SETD3: variants seen among roughly 807,000 people sequenced by gnomAD.
SETD3 encodes the protein SET domain containing 3, actin N3(tau)-histidine methyltransferase, also known as actin-histidine N-methyltransferase.
Under a neutral mutation model 63.0 loss-of-function variants are expected in SETD3, and 19 were observed. That is an observed-to-expected ratio of 0.30 (90% CI 0.21 to 0.44). The LOEUF (loss-of-function observed/expected upper bound fraction) is 0.44. Among genes scored for constraint, SETD3 ranks in the 20% least tolerant of loss-of-function variants. The pLI is 1.00. For missense variants in SETD3, 587 were observed against 728.5 expected, an observed-to-expected ratio of 0.81 and a Z score of 2.24; for synonymous variants, 286 against 264.1, an observed-to-expected ratio of 1.08 and a Z score of -0.80.
chr14:99,443,954 G>A (rs1319595692), intron 6 of SETD3, among the ~76,000 whole-genome samples: 2 of 152,196 alleles, frequency 1.3e-5, no homozygotes, highest in African/African-American at 4.8e-5. Context: ...CTGCATCAGT[G>A]CAGGACTCAG....
At chr14:99,482,053 G>A (rs1056249209), upstream of SETD3, among the ~76,000 whole-genome samples, 90 of 152,300 alleles carry the variant, frequency 5.9e-4, no homozygotes, top group Non-Finnish European at 1.2e-3. Context: ...TTTGTTATGA[G>A]AGAAATTGTT....
chr14:99,418,515 A>T (rs1367623469), intron 6 of SETD3, among the ~76,000 whole-genome samples: 2 of 152,272 alleles, frequency 1.3e-5, no homozygotes, highest in African/African-American at 4.8e-5. Context: ...AAGTTTCAGA[A>T]ATGTGACCCT....
At position 99,405,216 on chromosome 14, in the gene SETD3, G is replaced by A. The variant is rs146570207; in HGVS notation, c.1080C>T (p.Ala360=). 87 of 1,612,262 alleles carry A rather than the reference G, an allele frequency of 5.4e-5. No homozygotes were observed. In the South Asian group the frequency reaches 6.6e-4, roughly 12 times the overall value. The change falls in exon 10 of 13, where the codon GCC becomes GCT. Residue 360 remains alanine (A), a synonymous_variant. Coordinates refer to ENST00000331768, the MANE Select transcript of SETD3 (RefSeq NM_032233.3). The part of the protein sequence containing the change: ...YAMKAEVLAR[A]GIPTSSVFAL... ...GTTTTTCTACGTACGTGGGGATGCC[G>A]GCACGAGCCAAGACCTCGGCCTTCA...
chr14:99,457,737 C>G (rs1051817075), intron 6 of SETD3, among the ~76,000 whole-genome samples: 7 of 152,142 alleles, frequency 4.6e-5, no homozygotes, highest in Non-Finnish European at 8.8e-5. Context: ...GCCACACCAC[C>G]AAAATACAGA....
At chr14:99,441,124 C>T (rs1893785845) in intron 6 of SETD3, among the ~76,000 whole-genome samples, 2 of 152,250 alleles carry the variant, frequency 1.3e-5, no homozygotes, top group Admixed American at 6.5e-5. Context: ...ACAAAAGTGT[C>T]TAACAGGGAC....
chr14:99,430,005 C>T (rs1893084530), intron 6 of SETD3, among the ~76,000 whole-genome samples: 1 of 152,130 alleles, frequency 6.6e-6, no homozygotes, highest in African/African-American at 2.4e-5. Context: ...AGCCATTAAA[C>T]GAGAGGGGAG....
intron 6 of SETD3, among the ~76,000 whole-genome samples, chr14:99,451,496 TTC>T (rs1421230650): frequency 2.6e-5 from 4 of 152,072 alleles, no homozygotes; most frequent in Non-Finnish European, 4.4e-5. Flanking sequence ...TGTATCTTTT[TTC>T]TTTTTTTCTT....
At chr14:99,433,611 G>A (rs1404121373) in intron 6 of SETD3, among the ~76,000 whole-genome samples, 4 of 151,898 alleles carry the variant, frequency 2.6e-5, no homozygotes, top group Non-Finnish European at 5.9e-5. Context: ...CTGATTTTTT[G>A]TATTTTCAGT....
chr14:99,447,750 A>G (rs999249972), intron 6 of SETD3, among the ~76,000 whole-genome samples: 5 of 152,250 alleles, frequency 3.3e-5, no homozygotes, highest in Non-Finnish European at 7.3e-5. Context: ...GGATAACAAT[A>G]AAAGAAAAAA....
At chr14:99,480,277 G>T (rs1896213617) in intron 1 of SETD3, among the ~76,000 whole-genome samples, 1 of 152,076 alleles carries the variant, frequency 6.6e-6, no homozygotes, top group African/African-American at 2.4e-5. Context: ...GCGCGACCCG[G>T]CCGCGCGCAG....
At chr14:99,414,783 T>TGACA (rs576080109) in intron 6 of SETD3, among the ~76,000 whole-genome samples, 308 of 7,834 alleles carry the variant, frequency 0.039, 1 homozygote, top group African/African-American at 0.24. Context: ...AATTACAGTC[T>TGACA]GATAGATTGT....
At chr14:99,399,489 G>C (rs113175613) in intron 12 of SETD3, among the ~76,000 whole-genome samples, 3 of 152,134 alleles carry the variant, frequency 2.0e-5, no homozygotes, top group Non-Finnish European at 4.4e-5. Context: ...CATCAGTGAA[G>C]GAACGAATAA....
At chr14:99,402,311 T>C (rs1891430840) in intron 11 of SETD3, among the ~76,000 whole-genome samples, 1 of 152,242 alleles carries the variant, frequency 6.6e-6, no homozygotes, top group Non-Finnish European at 1.5e-5. Context: ...TGGGATGTCC[T>C]GCACGTGGGC....
intron 11 of SETD3, among the ~76,000 whole-genome samples, chr14:99,400,709 A>G (rs901539124): frequency 5.3e-5 from 8 of 152,254 alleles, no homozygotes; most frequent in Non-Finnish European, 1.0e-4. Context: ...CCGCAAGCCC[A>G]TAACTGTAAA....
At chr14:99,404,865 A>C (rs111568803) in intron 10 of SETD3, among the ~76,000 whole-genome samples, 1 of 152,230 alleles carries the variant, frequency 6.6e-6, no homozygotes, top group Non-Finnish European at 1.5e-5. Flanking sequence ...ACAGAAACTA[A>C]TGGTAGCAAC....
intron 9 of SETD3, 86 bp from the exon 10 acceptor site, chr14:99,405,457 T>G: frequency 7.2e-7 from 1 of 1,383,716 alleles, no homozygotes; most frequent in Non-Finnish European, 9.8e-7. Flanking sequence ...GGCTTAGTGC[T>G]ACTTTACATT....
chr14:99,398,973 A>T lies in SETD3; in HGVS notation c.1491T>A (p.Ala497=). Residue 497 remains alanine (A), a synonymous_variant, in exon 13 of 13, where the codon GCT becomes GCA. Coordinates refer to ENST00000331768, the MANE Select transcript of SETD3 (RefSeq NM_032233.3). ...EYYRQQMEEK[A]PLPKYEESNL... ...TACTCTCTTCATATTTGGGAAGCGGAGCCTTTTCCTCCATCTGTTGGCGAT... is the reference window on the plus strand; with the variant it reads ...TACTCTCTTCATATTTGGGAAGCGGTGCCTTTTCCTCCATCTGTTGGCGAT... 1 of 1,614,148 alleles carries T rather than the reference A, an allele frequency of 6.2e-7. No individual in the cohort carries two copies. Among genetic ancestry groups the T allele is most frequent in the Non-Finnish European group, 8.5e-7 (1 of 1,180,022 alleles).
intron 6 of SETD3, among the ~76,000 whole-genome samples, chr14:99,435,758 TTG>T (rs1418450354): frequency 9.3e-5 from 14 of 150,860 alleles, no homozygotes; most frequent in Admixed American, 7.3e-4. Context: ...TTTTTTTTTT[TTG>T]TAAGTATGGA....
At chr14:99,406,845 T>C (rs371166865) in intron 8 of SETD3, among the ~76,000 whole-genome samples, 9 of 152,350 alleles carry the variant, frequency 5.9e-5, no homozygotes, top group African/African-American at 1.9e-4. Context: ...ACTATATAGA[T>C]TGTCACTTGC....
Sources: allele counts gnomAD v4.1 joint callset (sites outside exome capture counted in the v4.1 genomes callset), GRCh38; gene constraint gnomAD v4.1.1; transcripts MANE v1.5; gene names NCBI Gene and HGNC (gene_info 2026-07-23, HGNC 2026-07-21).